Variants in ZFHX3 observed in about 807,000 individuals in gnomAD.
ZFHX3 encodes zinc finger homeobox 3, also known as zinc finger homeobox protein 3.
In ZFHX3, 42 loss-of-function variants were observed where a neutral mutation model predicts 279.1. The observed-to-expected ratio is 0.15, with a 90% CI of 0.12 to 0.19. ZFHX3 has a LOEUF of 0.19. Ranked by LOEUF, ZFHX3 falls within the 10% of genes least tolerant of loss-of-function variation. The pLI is 1.00. For synonymous variants in ZFHX3, 2,293 were observed against 1,957.8 expected, an observed-to-expected ratio of 1.17 and a Z score of -4.52; for missense variants, 4,981 against 4,754.0, an observed-to-expected ratio of 1.05 and a Z score of -1.40.
At chr16:72,850,361 G>A (rs894853524) in intron 4 of ZFHX3, among the ~76,000 whole-genome samples, 2 of 152,216 alleles carry the variant, frequency 1.3e-5, no homozygotes, top group Non-Finnish European at 2.9e-5. Context: ...CAGGACGAAC[G>A]ACCATCCCAC....
chr16:73,078,463 A>C (rs571232800), intron 8 of ZFHX3, among the ~76,000 whole-genome samples: 2 of 152,270 alleles, frequency 1.3e-5, no homozygotes, highest in East Asian at 3.9e-4. Context: ...CTGGAAGCAG[A>C]AAATCCACAC....
At chr16:73,634,440 A>T (rs1008890835) in intron 2 of ZFHX3, among the ~76,000 whole-genome samples, 12 of 128,028 alleles carry the variant, frequency 9.4e-5, no homozygotes, top group Admixed American at 4.5e-4. Context: ...TATAATATAT[A>T]TATATATATA....
intron 2 of ZFHX3, among the ~76,000 whole-genome samples, chr16:73,645,771 G>A (rs2052613248): frequency 6.6e-6 from 1 of 152,170 alleles, no homozygotes; most frequent in Non-Finnish European, 1.5e-5. Context: ...TTCCTGGCTT[G>A]TAAAAATAAA....
chr16:73,013,057 G>C (rs1480015043), intron 1 of ZFHX3, among the ~76,000 whole-genome samples: 1 of 152,138 alleles, frequency 6.6e-6, no homozygotes, highest in African/African-American at 2.4e-5. Flanking sequence ...TTTCATCTGG[G>C]CGCTCAGGAG....
At chr16:73,240,561 A>G (rs1337236320) in intron 5 of ZFHX3, among the ~76,000 whole-genome samples, 1 of 152,176 alleles carries the variant, frequency 6.6e-6, no homozygotes, top group Non-Finnish European at 1.5e-5. Context: ...CTAAGAGCAC[A>G]AAATGTCAAC....
At chr16:72,821,491 T>C (rs1210445493) in intron 5 of ZFHX3, among the ~76,000 whole-genome samples, 1 of 152,224 alleles carries the variant, frequency 6.6e-6, no homozygotes, top group Non-Finnish European at 1.5e-5. Flanking sequence ...ATAAGTGACC[T>C]GTGTGAAGAC....
At position 73,251,021 on chromosome 16, in the gene ZFHX3, C is replaced by T. The variant is rs747674553; in HGVS notation, c.-1104+6026G>A. Among the ~76,000 whole-genome samples, 13 of 152,260 alleles carry T rather than the reference C, an allele frequency of 8.5e-5. No individual in the cohort carries two copies. In the East Asian group the frequency reaches 1.5e-3, roughly 18 times the overall value. ...TACCATTATTTGTTTGGGTGACCAG[C>T]GATCTCTGTGTCAGAAGAATTTATT... On this transcript the variant is annotated intron_variant, in intron 5 of 17. Transcript: ENST00000641206.
chr16:73,671,047 A>G lies in ZFHX3; in HGVS notation c.-1547+9133T>C, dbSNP rs563043719. 9.8e-5 allele frequency among the ~76,000 whole-genome samples: 15 copies of G among 152,312 alleles called. No homozygotes were observed. In the South Asian group the frequency reaches 3.1e-3, roughly 32 times the overall value. Reference sequence around the variant, plus strand: ...AGGATGTTCTTTTTCAAAACAGTGTATGGAAGTGCATGATGGGTGGTCCTC... The same window carrying G: ...AGGATGTTCTTTTTCAAAACAGTGTGTGGAAGTGCATGATGGGTGGTCCTC... On this transcript the variant is annotated intron_variant, in intron 2 of 17. Transcript: ENST00000641206.
intron 4 of ZFHX3, among the ~76,000 whole-genome samples, chr16:72,858,230 C>T (rs755993316): frequency 6.6e-6 from 1 of 152,178 alleles, no homozygotes; most frequent in Non-Finnish European, 1.5e-5. Context: ...TCCAAAGCAA[C>T]GAGGCTGACT....
chr16:73,680,247 A>G (rs1167371443), intron 1 of ZFHX3: 1 of 143,316 alleles, frequency 7.0e-6, no homozygotes, highest in Non-Finnish European at 1.6e-5. Context: ...AAGCCTGTAA[A>G]TATGAAAAAA....
intron 3 of ZFHX3, among the ~76,000 whole-genome samples, chr16:72,945,079 G>T (rs1960599603): frequency 6.6e-6 from 1 of 152,068 alleles, no homozygotes; most frequent in Non-Finnish European, 1.5e-5. Context: ...GCTCTAACCA[G>T]AGTGACCCAC....
At chr16:73,891,189 T>G (rs1344966870) in intron 1 of ZFHX3, among the ~76,000 whole-genome samples, 2 of 152,192 alleles carry the variant, frequency 1.3e-5, no homozygotes. Context: ...AATCATGTCA[T>G]GATTTCCTGC....
intron 1 of ZFHX3, among the ~76,000 whole-genome samples, chr16:73,056,411 TAAG>T (rs1046600668): frequency 4.6e-5 from 7 of 151,992 alleles, no homozygotes; most frequent in African/African-American, 1.7e-4. Flanking sequence ...CATTGTAAGA[TAAG>T]AAGAGGGCCC....
chr16:73,050,866 T>C (rs926765762), upstream of ZFHX3, among the ~76,000 whole-genome samples: 3 of 152,222 alleles, frequency 2.0e-5, no homozygotes, highest in African/African-American at 7.2e-5. Context: ...AGGATAAATA[T>C]TTAAAAATAA....
intron 1 of ZFHX3, among the ~76,000 whole-genome samples, chr16:73,779,243 A>G (rs776122541): frequency 1.6e-4 from 25 of 152,346 alleles, no homozygotes; most frequent in Non-Finnish European, 2.5e-4. Flanking sequence ...AAATTCATAC[A>G]TTCAAAGACC....
Position 72,964,930 on chromosome 16 carries a change from T to C in ZFHX3, c.-49-4736A>G, listed in dbSNP as rs1052947545. Among the ~76,000 whole-genome samples the C allele has an allele frequency of 2.6e-5, 4 of 152,156 alleles. No individual in the cohort carries two copies. In the East Asian group the frequency reaches 7.8e-4, roughly 29 times the overall value. On this transcript the variant is annotated intron_variant, in intron 1 of 9. Coordinates refer to ENST00000268489, the MANE Select transcript of ZFHX3 (RefSeq NM_006885.4). ...TTTTCCTTTGTCACCCAGGCTGGAG[T>C]GCAGTGGTGCGATCTCAGCTCACTG... is the stretch of plus-strand genomic sequence containing the variant.
In ZFHX3 at chr16:72,802,009, A is replaced by C. The variant is rs553521113; in HGVS notation, c.3865-1880T>G. On this transcript the variant is annotated intron_variant, in intron 7 of 9. Transcript: ENST00000268489. ...GATCTTTAGGAATTATGAAAAATGA[A>C]TCATGAGAAATAAAAAAAAAGCCCT... Among the ~76,000 whole-genome samples, 13 of 152,112 alleles carry C rather than the reference A, an allele frequency of 8.5e-5. No homozygotes were observed. In the South Asian group the frequency reaches 2.7e-3, roughly 32 times the overall value.
intron 2 of ZFHX3, among the ~76,000 whole-genome samples, chr16:73,478,164 G>C (rs1347986623): frequency 6.6e-6 from 1 of 151,618 alleles, no homozygotes; most frequent in Non-Finnish European, 1.5e-5. Context: ...TACTCGGGAG[G>C]CTGAGGCAGG....
At chr16:73,333,615 G>A (rs1039671998) in intron 3 of ZFHX3, among the ~76,000 whole-genome samples, 3 of 152,052 alleles carry the variant, frequency 2.0e-5, no homozygotes, top group African/African-American at 7.3e-5. Flanking sequence ...AATAACGAGG[G>A]TGGATGTGTG....
Sources: allele counts gnomAD v4.1 joint callset (sites outside exome capture counted in the v4.1 genomes callset), GRCh38; gene constraint gnomAD v4.1.1; transcripts MANE v1.5; gene names NCBI Gene and HGNC (gene_info 2026-07-23, HGNC 2026-07-21).